ITGA3: variants seen among roughly 807,000 people sequenced by gnomAD.
ITGA3 encodes integrin subunit alpha 3.
ITGA3 carries 70 observed loss-of-function variants against 131.1 expected under a neutral mutation model. The ratio of observed to expected loss-of-function variants is 0.53; its 90% confidence interval spans 0.44 to 0.65. ITGA3 has a LOEUF of 0.65. Among genes scored for constraint, ITGA3 ranks in the 30% least tolerant of loss-of-function variants. The pLI, the probability that ITGA3 is intolerant of heterozygous loss-of-function variation, is 0.00. For synonymous variants in ITGA3, 537 were observed against 571.6 expected (o/e 0.94, Z 0.86); for missense variants, 1,098 against 1,388.6 (o/e 0.79, Z 3.33).
chr17:50,065,364 T>C (rs1346872342), intron 3 of ITGA3: 1 of 152,246 alleles, frequency 6.6e-6, no homozygotes, highest in Non-Finnish European at 1.5e-5. Flanking sequence ...CAGCTTTATC[T>C]TCTTTGACCT....
chr17:50,087,705 A>C (rs1249400976), intron 23 of ITGA3, 39 bp from the exon 24 acceptor site: 14 of 1,589,980 alleles, frequency 8.8e-6, no homozygotes, highest in Non-Finnish European at 1.1e-5. Context: ...GGGCCTAAGC[A>C]GGCTGACACA....
intron 23 of ITGA3, chr17:50,087,530 G>C (rs1410495231): frequency 2.0e-6 from 1 of 502,022 alleles, no homozygotes; most frequent in East Asian, 3.0e-5. Flanking sequence ...CAGATCTGAG[G>C]CCGCTCCTCT....
In ITGA3 at chr17:50,076,601, G is replaced by GT; in HGVS notation, c.1843dup (p.Cys615LeufsTer4). 2.5e-6 allele frequency: 4 copies of GT among 1,613,552 alleles called. No homozygotes were observed. The highest frequency in any genetic ancestry group is 3.4e-6 in the Non-Finnish European group (4 of 1,179,952). On this transcript the variant is annotated frameshift_variant, in exon 14 of 26. Coordinates refer to ENST00000320031, the MANE Select transcript of ITGA3 (RefSeq NM_002204.4). LOFTEE classifies it high-confidence loss of function. ...CCCCCCAGGTCCAGTTCCAGAAGGA[G>GT]TGCGGGCCTGACAACAAGTGTGAGA...
intron 24 of ITGA3, 86 bp downstream of exon 24, chr17:50,087,955 TCCTC>T (rs1365578931): frequency 6.9e-7 from 1 of 1,455,898 alleles, no homozygotes; most frequent in Non-Finnish European, 9.2e-7. Context: ...CCCATCCTGG[TCCTC>T]CCTTCCATCT....
chr17:50,089,315 A>T lies in ITGA3; in HGVS notation c.*237A>T. 6.5e-7 allele frequency: 1 copy of T among 1,534,190 alleles called. No individual in the cohort carries two copies. The highest frequency in any genetic ancestry group is 8.9e-7 in the Non-Finnish European group (1 of 1,121,846). ...CTCCCCCAGTGTCCCCTTTCTTCCT[A>T]TTTATCATAAGTTATGCCTCTGACA... is the stretch of plus-strand genomic sequence containing the variant. On this transcript the variant is annotated 3_prime_UTR_variant, in exon 26 of 26. Coordinates refer to ENST00000320031, the MANE Select transcript of ITGA3 (RefSeq NM_002204.4).
At chr17:50,078,360 C>A (rs1324258434) in intron 18 of ITGA3, 76 bp downstream of exon 18, 2 of 1,224,546 alleles carry the variant, frequency 1.6e-6, no homozygotes, top group Admixed American at 1.8e-5. Flanking sequence ...AAGCTATCTC[C>A]CAAACTCCTC....
intron 23 of ITGA3, among the ~76,000 whole-genome samples, chr17:50,085,935 ATAT>A (rs1307801833): frequency 1.0e-5 from 1 of 97,896 alleles, no homozygotes; most frequent in African/African-American, 3.8e-5. Flanking sequence ...TAGATTATAC[ATAT>A]TATAGATTTA....
chr17:50,071,197 T>A, intron 5 of ITGA3, 114 bp from the exon 6 acceptor site: 1 of 966,702 alleles, frequency 1.0e-6, no homozygotes, highest in Non-Finnish European at 1.6e-6. Context: ...CTACTTGGAA[T>A]AGTGGGATAG....
chr17:50,057,399 T>C (rs1033664272), intron 1 of ITGA3, among the ~76,000 whole-genome samples: 18 of 152,312 alleles, frequency 1.2e-4, no homozygotes, highest in Admixed American at 9.8e-4. Flanking sequence ...TTTTTCTCTT[T>C]CTTCTGTTCT....
intron 1 of ITGA3, among the ~76,000 whole-genome samples, chr17:50,059,791 C>T (rs966043646): frequency 6.6e-6 from 1 of 152,220 alleles, no homozygotes; most frequent in Admixed American, 6.5e-5. Context: ...AGAATGCCCT[C>T]GGGGGTCAAA....
At chr17:50,069,500 T>C (rs1270421679) in intron 4 of ITGA3, among the ~76,000 whole-genome samples, 3 of 151,940 alleles carry the variant, frequency 2.0e-5, no homozygotes, top group African/African-American at 7.3e-5. Context: ...ACCTTGTCTC[T>C]ACAAAAAATT....
At chr17:50,084,538 T>C (rs1318321732) in intron 23 of ITGA3, among the ~76,000 whole-genome samples, 2 of 152,200 alleles carry the variant, frequency 1.3e-5, no homozygotes, top group Admixed American at 6.5e-5. Context: ...TTATGGTACA[T>C]TTCCTTCAAT....
rs755127446 is a variant in ITGA3 at position 50,079,158 on chromosome 17, A to C, written c.2483A>C (p.Lys828Thr). Residue 828 changes from lysine (K) to threonine (T), a missense_variant, in exon 20 of 26, where the codon AAG becomes ACG. Coordinates refer to ENST00000320031, the MANE Select transcript of ITGA3 (RefSeq NM_002204.4). ...LEWPYEVSNG[K>T]WLLYPTEITV... ...TGGCCCTACGAAGTCAGCAATGGCAAGTGGCTGCTGTATCCCACGGAGATC... is the reference window on the plus strand; with the variant it reads ...TGGCCCTACGAAGTCAGCAATGGCACGTGGCTGCTGTATCCCACGGAGATC... 2 of 1,613,944 alleles carry C rather than the reference A, an allele frequency of 1.2e-6. No homozygotes were observed. Among genetic ancestry groups the C allele is most frequent in the East Asian group, 4.5e-5 (2 of 44,866 alleles).
Position 50,056,816 on chromosome 17 carries a change from G to C in ITGA3, c.206+171G>C, listed in dbSNP as rs1907850139. Reference sequence around the variant, plus strand: ...AAGTGGAGGATTGGGTGTGGGGTCGGGCAGTAATCATTGGCAAGTGCTGAC... The same window carrying C: ...AAGTGGAGGATTGGGTGTGGGGTCGCGCAGTAATCATTGGCAAGTGCTGAC... On this transcript the variant is annotated intron_variant, in intron 1 of 25. Coordinates refer to ENST00000320031, the MANE Select transcript of ITGA3 (RefSeq NM_002204.4). The surrounding 1 kb of genome is among the most constrained non-coding windows in gnomAD (Gnocchi z 5.6). Among the ~76,000 whole-genome samples, 1 of 152,152 alleles carries C rather than the reference G, an allele frequency of 6.6e-6. No individual in the cohort carries two copies.
At chr17:50,070,978 T>G (rs1246960459) in intron 5 of ITGA3, 48 bp downstream of exon 5, 1 of 1,210,848 alleles carries the variant, frequency 8.3e-7, no homozygotes, top group Non-Finnish European at 1.2e-6. Context: ...GGAAGGGGGC[T>G]TAGTCCCTGG....
intron 21 of ITGA3, 139 bp downstream of exon 21, chr17:50,079,696 G>T: frequency 2.1e-6 from 2 of 970,698 alleles, no homozygotes; most frequent in Non-Finnish European, 2.8e-6. Context: ...TCCAGACAGA[G>T]CAGGGAGCCT....
In ITGA3 at chr17:50,074,190, G is replaced by T; in HGVS notation, c.1292G>T (p.Gly431Val). ...KLGLPGLATFGYSLSGQMDVD... is the reference protein window; with the variant it reads ...KLGLPGLATFVYSLSGQMDVD... The stretch of plus-strand genomic sequence containing the variant: ...GGACTGCCTGGGTTGGCCACCTTCG[G>T]CTATTCCCTCAGTGGGCAGATGGAT... Residue 431 changes from glycine (G) to valine (V), a missense_variant, in exon 9 of 26, where the codon GGC becomes GTC. By Grantham distance (109) the Gly-to-Val change is moderately radical (BLOSUM62 -3). Transcript: ENST00000320031. 1 of 1,614,232 alleles carries T rather than the reference G, an allele frequency of 6.2e-7. No individual in the cohort carries two copies.
rs1476441960 is a variant in ITGA3, at chr17:50,080,309, C to A, written c.2754C>A (p.Ile918=). ...RAHCVWLECP[I]PDAPVVTNVT... ...ACTGTGTGTGGCTAGAGTGCCCCATCCCTGATGCCCCCGTTGTCACCAACG... is the reference window on the plus strand; with the variant it reads ...ACTGTGTGTGGCTAGAGTGCCCCATACCTGATGCCCCCGTTGTCACCAACG... Residue 918 remains isoleucine, a synonymous_variant, in exon 22 of 26, where the codon ATC becomes ATA. Coordinates refer to ENST00000320031, the MANE Select transcript of ITGA3 (RefSeq NM_002204.4). 2 of 1,613,558 alleles carry A rather than the reference C, an allele frequency of 1.2e-6. No individual in the cohort carries two copies. Among genetic ancestry groups the A allele is most frequent in the South Asian group, 2.2e-5 (2 of 91,014 alleles).
intron 21 of ITGA3, among the ~76,000 whole-genome samples, 159 bp downstream of exon 21, chr17:50,079,716 C>A (rs746347451): frequency 6.6e-6 from 1 of 152,230 alleles, no homozygotes; most frequent in Non-Finnish European, 1.5e-5. Context: ...TCATCTCCTG[C>A]CCTCAGAGGG....
Sources: gnomAD v4.1 joint callset for allele counts (sites outside exome capture counted in the v4.1 genomes callset) on GRCh38, gnomAD v4.1.1 for gene constraint, Gnocchi (gnomAD v3.1) non-coding constraint, MANE v1.5 for transcripts, NCBI Gene and HGNC (gene_info 2026-07-23, HGNC 2026-07-21) for gene names.